Variants in HS3ST5 observed in about 807,000 individuals in gnomAD.
HS3ST5 encodes heparan sulfate glucosamine 3-O-sulfotransferase 5.
In HS3ST5, 10 loss-of-function variants were observed where a neutral mutation model predicts 25.4. That is an observed-to-expected ratio of 0.39 (90% CI 0.24 to 0.67). The LOEUF (loss-of-function observed/expected upper bound fraction) is 0.67, where lower values mean the gene tolerates loss of function less well. Among genes scored for constraint, HS3ST5 ranks in the 30% least tolerant of loss-of-function variants. The probability of loss-of-function intolerance (pLI) is 0.44; values close to 1 mark genes in which losing one functional copy is unlikely to be tolerated. For synonymous variants in HS3ST5, 170 were observed against 162.4 expected (o/e 1.05, Z -0.36); for missense variants, 324 against 420.7 (o/e 0.77, Z 2.01).
chr6:114,144,873 A>G (rs919067255), intron 3 of HS3ST5, among the ~76,000 whole-genome samples: 1 of 152,228 alleles, frequency 6.6e-6, no homozygotes, highest in African/African-American at 2.4e-5. Flanking sequence ...GATATATAAC[A>G]GCTATTCAGT....
intron 2 of HS3ST5, among the ~76,000 whole-genome samples, chr6:114,170,796 C>T (rs372919999): frequency 6.6e-6 from 1 of 152,118 alleles, no homozygotes; most frequent in Non-Finnish European, 1.5e-5. Context: ...TAGCTGCCTG[C>T]ACCTTGTATT....
Position 114,056,993 on chromosome 6 carries a change from T to C in HS3ST5, c.*264A>G, listed in dbSNP as rs1772802794. 2.8e-6 allele frequency: 1 copy of C among 353,642 alleles called. No homozygotes were observed. The highest frequency in any genetic ancestry group is 5.1e-6 in the Non-Finnish European group (1 of 196,822). The allele number at this position is 353,642 out of a possible 1,614,324, so 21.9% of individuals were successfully genotyped here. ...GGAAGACTAACTCTTTGAGAATAGC[T>C]GAAGTCACTTTCCCCCAATACCACC... On this transcript the variant is annotated 3_prime_UTR_variant, in exon 5 of 5. Coordinates refer to ENST00000312719, the MANE Select transcript of HS3ST5 (RefSeq NM_153612.4).
At chr6:114,303,002 A>G (rs151216448) in intron 1 of HS3ST5, among the ~76,000 whole-genome samples, 1 of 152,302 alleles carries the variant, frequency 6.6e-6, no homozygotes, top group African/African-American at 2.4e-5. Flanking sequence ...AAAAAAGTTT[A>G]ATTTGTTTAA....
chr6:114,334,834 CTTAT>C (rs1776543988), intron 1 of HS3ST5, among the ~76,000 whole-genome samples: 3 of 152,142 alleles, frequency 2.0e-5, no homozygotes, highest in South Asian at 2.1e-4. Context: ...TTTTGGCAGA[CTTAT>C]TTAAGTCTAT....
intron 1 of HS3ST5, among the ~76,000 whole-genome samples, chr6:114,314,190 A>C (rs1266748672): frequency 3.3e-5 from 5 of 152,168 alleles, no homozygotes; most frequent in Non-Finnish European, 7.3e-5. Flanking sequence ...GGCCTCTCAA[A>C]GTGCTGGGAT....
At chr6:114,292,358 ATGT>A (rs1357681853) in intron 1 of HS3ST5, among the ~76,000 whole-genome samples, 1 of 152,160 alleles carries the variant, frequency 6.6e-6, no homozygotes, top group Non-Finnish European at 1.5e-5. Flanking sequence ...AGAGGACAAA[ATGT>A]TGTGTTCTCA....
In HS3ST5 at chr6:114,228,752, C is replaced by A. The variant is rs1384690357; in HGVS notation, c.-312G>T. On this transcript the variant is annotated 5_prime_UTR_variant, in exon 2 of 5. Transcript: ENST00000312719. ...CCGTTGAGAATAGAAGACACCAATG[C>A]TGAAGACAGTGAGTATCTGATTATC... 6.6e-6 allele frequency: 1 copy of A among 152,140 alleles called. No individual in the cohort carries two copies. The highest frequency in any genetic ancestry group is 1.5e-5 in the Non-Finnish European group (1 of 68,024). 9.4% of individuals were successfully genotyped at this position (152,140 alleles called of 1,614,324 possible).
intron 3 of HS3ST5, among the ~76,000 whole-genome samples, chr6:114,165,306 G>A (rs1003627261): frequency 6.6e-6 from 1 of 152,180 alleles, no homozygotes; most frequent in Admixed American, 6.5e-5. Context: ...GAACTGCACA[G>A]CATCGGGTCA....
At chr6:114,204,872 T>C (rs890435678) in intron 2 of HS3ST5, among the ~76,000 whole-genome samples, 1 of 152,154 alleles carries the variant, frequency 6.6e-6, no homozygotes. Context: ...GAGAATACTA[T>C]TGGCACAAAT....
chr6:114,286,351 G>A (rs550240766), intron 1 of HS3ST5, among the ~76,000 whole-genome samples: 1 of 152,046 alleles, frequency 6.6e-6, no homozygotes, highest in Admixed American at 6.6e-5. Flanking sequence ...TGGGCATAAA[G>A]TTTTAGTCCA....
intron 1 of HS3ST5, among the ~76,000 whole-genome samples, chr6:114,331,093 G>A (rs894300517): frequency 6.6e-6 from 1 of 152,122 alleles, no homozygotes; most frequent in Admixed American, 6.6e-5. Context: ...AAGTATGTAG[G>A]GAACTACCTG....
At chr6:114,162,195 G>A (rs1404681521) in intron 3 of HS3ST5, among the ~76,000 whole-genome samples, 3 of 152,062 alleles carry the variant, frequency 2.0e-5, no homozygotes, top group African/African-American at 7.2e-5. Context: ...GTGCTACGTC[G>A]AGTAAAAGCA....
At chr6:114,184,091 C>CTCGCTCTG (rs1780097574) in intron 2 of HS3ST5, among the ~76,000 whole-genome samples, 1 of 104,752 alleles carries the variant, frequency 9.5e-6, no homozygotes, top group Admixed American at 1.6e-4. Context: ...GAGACGGAGT[C>CTCGCTCTG]TCGCTCTGTC....
chr6:114,131,769 T>C (rs1777346656), intron 3 of HS3ST5, among the ~76,000 whole-genome samples: 1 of 152,176 alleles, frequency 6.6e-6, no homozygotes, highest in South Asian at 2.1e-4. Context: ...TGTGAAATCA[T>C]TATTTACTAT....
At chr6:114,314,389 CAGA>C (rs1775665803) in intron 1 of HS3ST5, among the ~76,000 whole-genome samples, 1 of 152,208 alleles carries the variant, frequency 6.6e-6, no homozygotes, top group African/African-American at 2.4e-5. Context: ...AGACATTATA[CAGA>C]AGAATTTCAG....
At chr6:114,295,650 A>G (rs899147999) in intron 1 of HS3ST5, among the ~76,000 whole-genome samples, 1 of 152,228 alleles carries the variant, frequency 6.6e-6, no homozygotes, top group Non-Finnish European at 1.5e-5. Context: ...GTGGAGAATA[A>G]CTGTGTAAAA....
Position 114,204,931 on chromosome 6 carries a change from G to T in HS3ST5, c.-145+23654C>A, listed in dbSNP as rs376610126. Among the ~76,000 whole-genome samples the T allele has an allele frequency of 4.6e-5, 7 of 152,196 alleles. No individual in the cohort carries two copies. The East Asian group carries it at 1.4e-3, about 29-fold the overall frequency. ...CTCTTGATAAGTACACAACATGCCTGGTAGAAACATGAATACATGGTAATC... is the reference window on the plus strand; with the variant it reads ...CTCTTGATAAGTACACAACATGCCTTGTAGAAACATGAATACATGGTAATC... On this transcript the variant is annotated intron_variant, in intron 2 of 4. Transcript: ENST00000312719.
intron 1 of HS3ST5, among the ~76,000 whole-genome samples, chr6:114,308,741 A>G (rs529088442): frequency 9.5e-4 from 144 of 152,254 alleles, no homozygotes; most frequent in African/African-American, 3.2e-3. Context: ...TCCCAGGAGG[A>G]GGTGAAAACC....
At chr6:114,249,927 T>G (rs184187792) in intron 1 of HS3ST5, among the ~76,000 whole-genome samples, 1 of 152,330 alleles carries the variant, frequency 6.6e-6, no homozygotes, top group East Asian at 1.9e-4. Flanking sequence ...AGATAACTAA[T>G]GTAAAAATAA....
Sources: allele counts gnomAD v4.1 joint callset (sites outside exome capture counted in the v4.1 genomes callset), GRCh38; gene constraint gnomAD v4.1.1; transcripts MANE v1.5; gene names NCBI Gene and HGNC (gene_info 2026-07-23, HGNC 2026-07-21).